ADGRD1: variants seen among roughly 807,000 people sequenced by gnomAD.
The protein encoded by ADGRD1 is G-protein coupled receptor 133.
ADGRD1 carries 77 observed loss-of-function variants against 113.4 expected under a neutral mutation model. That is an observed-to-expected ratio of 0.68 (90% CI 0.57 to 0.82). ADGRD1 has a LOEUF of 0.82. Ranked by LOEUF, ADGRD1 falls within the 40% of genes least tolerant of loss-of-function variation. The pLI, the probability that ADGRD1 is intolerant of heterozygous loss-of-function variation, is 0.00. For missense variants in ADGRD1, 1,036 were observed against 1,139.1 expected (o/e 0.91, Z 1.30); for synonymous variants, 474 against 475.0 (o/e 1.00, Z 0.03).
chr12:131,027,133 A>G lies in ADGRD1; in HGVS notation c.1473+12793A>G, dbSNP rs1880055148. 1 of 152,186 alleles carries G rather than the reference A, an allele frequency of 6.6e-6. No individual in the cohort carries two copies. Among genetic ancestry groups the G allele is most frequent in the East Asian group, 1.9e-4 (1 of 5,190 alleles). The allele number at this position is 152,186 out of a possible 1,614,324, so 9.4% of individuals were successfully genotyped here. On this transcript the variant is annotated intron_variant, in intron 13 of 24. Transcript: ENST00000261654. This position sits in a 1 kb window ranked among gnomAD's most constrained non-coding sequence, Gnocchi z 5.1. ...CAAGGTTCATTTTCTTCCCATGGTCATTCCTTGGTGCACTGTAGATCCAGG... is the reference window on the plus strand; with the variant it reads ...CAAGGTTCATTTTCTTCCCATGGTCGTTCCTTGGTGCACTGTAGATCCAGG...
chr12:131,073,915 G>A (rs1885375363), intron 13 of ADGRD1, among the ~76,000 whole-genome samples: 1 of 151,958 alleles, frequency 6.6e-6, no homozygotes. Flanking sequence ...TCATGACCCA[G>A]TTGCCACTTA....
In ADGRD1 at chr12:131,050,996, C is replaced by A. The variant is rs184527777; in HGVS notation, c.1474-25805C>A. Among the ~76,000 whole-genome samples the A allele has an allele frequency of 6.9e-4, 105 of 152,320 alleles. 2 individuals are homozygous for A. The East Asian group carries it at 0.017, about 25-fold the overall frequency. Reference sequence around the variant, plus strand: ...GCCACGGGCTGGTCCCGGTTCACGGCCCGGGTGTTGGGAACCCCTGTGTTA... The same window carrying A: ...GCCACGGGCTGGTCCCGGTTCACGGACCGGGTGTTGGGAACCCCTGTGTTA... On this transcript the variant is annotated intron_variant, in intron 13 of 24. Coordinates refer to ENST00000261654, the MANE Select transcript of ADGRD1 (RefSeq NM_198827.5). This position sits in a 1 kb window ranked among gnomAD's most constrained non-coding sequence, Gnocchi z 4.8.
intron 2 of ADGRD1, chr12:130,956,670 C>T (rs893664260): frequency 2.6e-5 from 4 of 152,442 alleles, no homozygotes; most frequent in South Asian, 4.1e-4. Flanking sequence ...AGGTGGCCCC[C>T]GAGGCCCCAG....
At chr12:131,105,701 G>A in intron 16 of ADGRD1, 53 bp from the exon 17 acceptor site, 2 of 1,406,644 alleles carry the variant, frequency 1.4e-6, no homozygotes, top group African/African-American at 1.4e-5. Context: ...AGCCCAGCCT[G>A]GGGGACTGGG....
In ADGRD1 at chr12:131,140,555, G is replaced by C. The variant is rs1566150101; in HGVS notation, c.*1292G>C. On this transcript the variant is annotated 3_prime_UTR_variant, in exon 25 of 25. Transcript: ENST00000261654. ...CGTGGTGTCTGTGAAATGTGGGTAA[G>C]ACATTCAAACCTGGTTTTGATACTG... 6.6e-6 allele frequency: 1 copy of C among 151,954 alleles called. No individual in the cohort carries two copies. Among genetic ancestry groups the C allele is most frequent in the Non-Finnish European group, 1.5e-5 (1 of 68,044 alleles). 9.4% of individuals were successfully genotyped at this position (151,954 alleles called of 1,614,324 possible).
chr12:131,035,541 C>A (rs997824797), intron 13 of ADGRD1: 2 of 152,252 alleles, frequency 1.3e-5, no homozygotes, highest in African/African-American at 4.8e-5. Flanking sequence ...GCAGTCTGCA[C>A]CTTCAGACCG....
intron 15 of ADGRD1, among the ~76,000 whole-genome samples, chr12:131,091,423 T>C (rs928717682): frequency 6.6e-6 from 1 of 152,366 alleles, no homozygotes. Flanking sequence ...TATTCATCTC[T>C]ATACTAAAAG....
chr12:130,960,931 G>A (rs965825582), intron 2 of ADGRD1, among the ~76,000 whole-genome samples: 2 of 152,212 alleles, frequency 1.3e-5, no homozygotes, highest in African/African-American at 2.4e-5. Context: ...TACACAAAAC[G>A]TGGGGATCAG....
intron 15 of ADGRD1, among the ~76,000 whole-genome samples, chr12:131,086,291 A>C (rs1050747316): frequency 6.6e-6 from 1 of 152,142 alleles, no homozygotes; most frequent in African/African-American, 2.4e-5. Flanking sequence ...AGAACTCTTC[A>C]AGGTGTAACG....
chr12:131,039,718 G>T (rs1328245010), intron 13 of ADGRD1, among the ~76,000 whole-genome samples: 1 of 152,238 alleles, frequency 6.6e-6, no homozygotes, highest in Non-Finnish European at 1.5e-5. Context: ...GAGGGTGGCT[G>T]GTCCACGCCC....
chr12:130,990,821 GAA>G lies in ADGRD1; in HGVS notation c.746-190_746-189del. The G allele has an allele frequency of 5.9e-6, 3 of 508,344 alleles. No individual in the cohort carries two copies. The South Asian group carries it at 9.0e-5, about 15-fold the overall frequency. The allele number at this position is 508,344 out of a possible 1,614,324, so 31.5% of individuals were successfully genotyped here. A position where few individuals can be genotyped will look rare whatever the true frequency, so the allele number is the denominator to read the frequency against. On this transcript the variant is annotated intron_variant, in intron 6 of 24. Transcript: ENST00000261654. ...CAAATGGAAAAGTAATGTGACCTGG[GAA>G]AATCTATACGGTCGACTCAGTCAGC...
chr12:131,131,889 A>C, intron 21 of ADGRD1, 73 bp downstream of exon 21: 1 of 950,420 alleles, frequency 1.1e-6, no homozygotes, highest in Non-Finnish European at 1.7e-6. Context: ...GTCACAGGAG[A>C]GATAGCCACT....
rs139456901 is a variant in ADGRD1 at position 130,966,700 on chromosome 12, C to T, written c.187+154C>T. 6.7e-3 allele frequency: 4,185 copies of T among 628,464 alleles called. 29 individuals carry two copies. The highest frequency in any genetic ancestry group is 9.6e-3 in the Non-Finnish European group (3,339 of 346,408). The allele number at this position is 628,464 out of a possible 1,614,324, so 38.9% of individuals were successfully genotyped here. ...GTGGGCCGGGGAATCCCAGGGCCAT[C>T]GGGGAGCAGATGTGGACACAATCTG... On this transcript the variant is annotated intron_variant, in intron 3 of 24. Coordinates refer to ENST00000261654, the MANE Select transcript of ADGRD1 (RefSeq NM_198827.5). This position sits in a 1 kb window ranked among gnomAD's most constrained non-coding sequence, Gnocchi z 4.6.
chr12:131,001,719 G>A (rs1469595073), intron 9 of ADGRD1, among the ~76,000 whole-genome samples: 1 of 152,170 alleles, frequency 6.6e-6, no homozygotes, highest in Non-Finnish European at 1.5e-5. Context: ...CTGTCTTCCG[G>A]TGCTGGCTTC....
chr12:130,978,986 C>T (rs1001027393), intron 4 of ADGRD1, among the ~76,000 whole-genome samples: 4 of 151,436 alleles, frequency 2.6e-5, no homozygotes, highest in Non-Finnish European at 2.9e-5. Flanking sequence ...AGGGAAGTGG[C>T]GGGAGGCTCG....
rs201693903 is a variant in ADGRD1, at chr12:131,014,328, C to G, written c.1461C>G (p.Leu487=). ...LSGSPLITVH[L]KHRLTRKQHS... is the part of the protein sequence containing the mutation. ...GCTCTCCACTCATTACGGTCCACCT[C>G]AAGCACAGATTGGTGAGTGGCGGTG... is the stretch of plus-strand genomic sequence containing the variant. The change falls in exon 13 of 25, where the codon CTC becomes CTG. Residue 487 remains leucine (L), a synonymous_variant. Transcript: ENST00000261654. 2.2e-5 allele frequency: 36 copies of G among 1,613,132 alleles called. No homozygotes were observed. Among genetic ancestry groups the G allele is most frequent in the Non-Finnish European group, 2.9e-5 (34 of 1,179,510 alleles).
intron 15 of ADGRD1, among the ~76,000 whole-genome samples, chr12:131,099,106 T>A (rs1950010035): frequency 6.6e-6 from 1 of 152,212 alleles, no homozygotes. Flanking sequence ...AGATCCTCTG[T>A]CGGGCCCCGG....
At chr12:130,992,816 C>G (rs1382185637) in intron 8 of ADGRD1, among the ~76,000 whole-genome samples, 2 of 152,254 alleles carry the variant, frequency 1.3e-5, no homozygotes, top group Non-Finnish European at 2.9e-5. Context: ...TATCTAAACA[C>G]TTAGAGAATG....
intron 8 of ADGRD1, among the ~76,000 whole-genome samples, chr12:130,997,141 T>C (rs1309126): frequency 9.0e-4 from 49 of 54,222 alleles, no homozygotes; most frequent in Middle Eastern, 0.018. Flanking sequence ...GGGGGGCTGA[T>C]CCCCCACCTC....
Sources: gnomAD v4.1 joint callset for allele counts (sites outside exome capture counted in the v4.1 genomes callset) on GRCh38, gnomAD v4.1.1 for gene constraint, Gnocchi (gnomAD v3.1) non-coding constraint, MANE v1.5 for transcripts, NCBI Gene and HGNC (gene_info 2026-07-23, HGNC 2026-07-21) for gene names.